ERC2: variants seen among roughly 807,000 people sequenced by gnomAD.
The protein encoded by ERC2 is ERC protein 2.
ERC2 carries 42 observed loss-of-function variants against 114.8 expected under a neutral mutation model. The ratio of observed to expected loss-of-function variants is 0.37; its 90% CI spans 0.29 to 0.47. The LOEUF (loss-of-function observed/expected upper bound fraction) is 0.47. Ranked by LOEUF, ERC2 falls within the 20% of genes least tolerant of loss-of-function variation. The pLI is 0.99. For synonymous variants in ERC2, 454 were observed against 425.5 expected (o/e 1.07, Z -0.82); for missense variants, 939 against 1,150.7 (o/e 0.82, Z 2.66).
intron 17 of ERC2, among the ~76,000 whole-genome samples, chr3:55,613,499 T>A (rs951222673): frequency 6.6e-6 from 1 of 152,178 alleles, no homozygotes; most frequent in Non-Finnish European, 1.5e-5. Flanking sequence ...ATTTTCCAGG[T>A]AATTTTCTTT....
chr3:55,715,877 A>C (rs2064090632), intron 15 of ERC2, among the ~76,000 whole-genome samples: 1 of 152,210 alleles, frequency 6.6e-6, no homozygotes, highest in African/African-American at 2.4e-5. Context: ...GTACAATGGA[A>C]GGAAGCTGTT....
intron 3 of ERC2, among the ~76,000 whole-genome samples, chr3:56,211,499 A>C (rs1394405771): frequency 6.6e-6 from 1 of 152,200 alleles, no homozygotes; most frequent in Non-Finnish European, 1.5e-5. Context: ...GGATGGGTAG[A>C]ATCAATATCA....
intron 15 of ERC2, among the ~76,000 whole-genome samples, chr3:55,718,578 C>T (rs1012256007): frequency 5.3e-5 from 8 of 152,070 alleles, no homozygotes; most frequent in Non-Finnish European, 1.2e-4. Flanking sequence ...TGTGGGTGAC[C>T]TGGTAAAGGA....
intron 4 of ERC2, among the ~76,000 whole-genome samples, chr3:56,162,576 G>A (rs1035632122): frequency 4.6e-5 from 7 of 152,028 alleles, no homozygotes; most frequent in East Asian, 1.9e-4. Flanking sequence ...CGTCTTTTCC[G>A]TGTTTCTAAG....
intron 14 of ERC2, among the ~76,000 whole-genome samples, chr3:55,859,923 A>C (rs1035739696): frequency 2.0e-5 from 3 of 151,688 alleles, no homozygotes; most frequent in Admixed American, 6.6e-5. Context: ...TAAATTAAAA[A>C]CTCAGATCTC....
intron 3 of ERC2, among the ~76,000 whole-genome samples, chr3:56,271,010 A>G (rs1225044560): frequency 6.6e-6 from 1 of 152,174 alleles, no homozygotes; most frequent in Non-Finnish European, 1.5e-5. Context: ...AACAAACAAA[A>G]AAAACCAGCC....
chr3:56,139,229 T>C (rs1186752021), intron 6 of ERC2, among the ~76,000 whole-genome samples: 3 of 152,244 alleles, frequency 2.0e-5, no homozygotes, highest in Non-Finnish European at 4.4e-5. Context: ...GACAAGAGTC[T>C]AATTATACAG....
At chr3:55,525,676 T>G (rs539839351) in intron 17 of ERC2, among the ~76,000 whole-genome samples, 69 of 151,436 alleles carry the variant, frequency 4.6e-4, no homozygotes, top group Non-Finnish European at 8.6e-4. Flanking sequence ...AGTAGCAGAG[T>G]CAGGGCAGAG....
intron 15 of ERC2, among the ~76,000 whole-genome samples, chr3:55,703,067 T>C (rs1292342564): frequency 6.6e-6 from 1 of 152,194 alleles, no homozygotes; most frequent in Non-Finnish European, 1.5e-5. Context: ...ATTTTCTACT[T>C]CCTCTTTCTT....
intron 3 of ERC2, among the ~76,000 whole-genome samples, chr3:56,240,046 A>G (rs1009220941): frequency 6.6e-6 from 1 of 152,256 alleles, no homozygotes; most frequent in Admixed American, 6.5e-5. Flanking sequence ...CCAGTCCTGC[A>G]TAAAGAGCTT....
chr3:56,125,447 G>C (rs368005873), intron 6 of ERC2, among the ~76,000 whole-genome samples: 48 of 152,306 alleles, frequency 3.2e-4, no homozygotes, highest in African/African-American at 1.1e-3. Context: ...CATCATCTGT[G>C]CCTAGCAGCC....
At chr3:56,381,572 G>A (rs2059753063) in intron 2 of ERC2, among the ~76,000 whole-genome samples, 1 of 151,982 alleles carries the variant, frequency 6.6e-6, no homozygotes, top group Admixed American at 6.6e-5. Flanking sequence ...TTAGCCAGTT[G>A]CAGAGAATAG....
intron 17 of ERC2, among the ~76,000 whole-genome samples, chr3:55,572,877 A>ACTT (rs1227427095): frequency 1.3e-5 from 2 of 152,296 alleles, no homozygotes; most frequent in African/African-American, 4.8e-5. Context: ...CTACTCTATC[A>ACTT]CTTTAATTCA....
At chr3:56,437,455 G>T (rs75063014) in intron 1 of ERC2, among the ~76,000 whole-genome samples, 2,755 of 152,254 alleles carry the variant, frequency 0.018, 37 homozygotes, top group Middle Eastern at 0.041. Flanking sequence ...AGGATCAATG[G>T]GTAACTGATG....
intron 17 of ERC2, among the ~76,000 whole-genome samples, chr3:55,529,682 T>A (rs1230568613): frequency 6.6e-6 from 1 of 152,194 alleles, no homozygotes; most frequent in Non-Finnish European, 1.5e-5. Context: ...ACGTGAATAA[T>A]CACCATAATC....
At chr3:55,659,535 C>T (rs2061029059) in intron 17 of ERC2, among the ~76,000 whole-genome samples, 1 of 151,998 alleles carries the variant, frequency 6.6e-6, no homozygotes, top group African/African-American at 2.4e-5. Flanking sequence ...AGTCTCTGTG[C>T]TCCACTCACT....
chr3:55,775,972 A>C (rs2068577664), intron 14 of ERC2, among the ~76,000 whole-genome samples: 1 of 152,208 alleles, frequency 6.6e-6, no homozygotes, highest in Admixed American at 6.5e-5. Flanking sequence ...CAGGAGAAGA[A>C]GGATAAAGAA....
At chr3:55,624,818 A>G (rs1182088377) in intron 17 of ERC2, among the ~76,000 whole-genome samples, 1 of 152,192 alleles carries the variant, frequency 6.6e-6, no homozygotes, top group Non-Finnish European at 1.5e-5. Context: ...AAGAAAAAAA[A>G]TGAGAAAACT....
chr3:55,835,283 G>T (rs1274974589), intron 14 of ERC2, among the ~76,000 whole-genome samples: 1 of 152,060 alleles, frequency 6.6e-6, no homozygotes, highest in Admixed American at 6.6e-5. Flanking sequence ...ACCAAACCTG[G>T]GCAGAGACAC....
Sources: allele counts gnomAD v4.1 joint callset (sites outside exome capture counted in the v4.1 genomes callset), GRCh38; gene constraint gnomAD v4.1.1; transcripts MANE v1.5; gene names NCBI Gene and HGNC (gene_info 2026-07-23, HGNC 2026-07-21).